GSK3B: variants seen among roughly 807,000 people sequenced by gnomAD.
GSK3B encodes the protein glycogen synthase kinase-3 beta.
GSK3B carries 15 observed loss-of-function variants against 56.4 expected under a neutral mutation model. That is an observed-to-expected ratio of 0.27 (90% CI 0.18 to 0.41). The LOEUF is 0.41. GSK3B is among the 10% of genes least tolerant of loss of function. GSK3B has a pLI of 1.00. For synonymous variants in GSK3B, 181 were observed against 188.9 expected, an observed-to-expected ratio of 0.96 and a Z score of 0.34; for missense variants, 300 against 513.4, an observed-to-expected ratio of 0.58 and a Z score of 4.02.
chr3:120,073,028 C>T (rs976397318), intron 1 of GSK3B, among the ~76,000 whole-genome samples: 2 of 151,992 alleles, frequency 1.3e-5, no homozygotes, highest in African/African-American at 2.4e-5. Context: ...CCAGGCTCTG[C>T]CACCTGCTGG....
rs558793272 is a variant in GSK3B, at chr3:119,839,501, C to T, written c.1195+3754G>A. ...TCCCAAGCAGTTTATCTAGGAGCCT[C>T]GGTATTCTGATGATCTTGCTCTAGA... On this transcript the variant is annotated intron_variant, in intron 10 of 10. Coordinates refer to ENST00000264235, the MANE Select transcript of GSK3B (RefSeq NM_001146156.2). 3.3e-5 allele frequency among the ~76,000 whole-genome samples: 5 copies of T among 152,098 alleles called. No homozygotes were observed. The South Asian group carries it at 8.3e-4, about 25-fold the overall frequency.
At position 119,863,576 on chromosome 3, in the gene GSK3B, T is replaced by G; in HGVS notation, c.939A>C (p.Ala313=). The G allele has an allele frequency of 1.2e-6, 2 of 1,613,268 alleles. 1 individual carries two copies. Among genetic ancestry groups the G allele is most frequent in the South Asian group, 2.2e-5 (2 of 91,072 alleles). The stretch of plus-strand genomic sequence containing the variant: ...CCAGCAGACGGCTACACAGTGCAAT[T>G]GCCTCCGGTGGAGTTCGGGGTCGGA... ...KVFRPRTPPE[A]IALCSRLLEY... Residue 313 remains alanine (A), a synonymous_variant, in exon 9 of 11, where the codon GCA becomes GCC. Coordinates refer to ENST00000264235, the MANE Select transcript of GSK3B (RefSeq NM_001146156.2).
intron 3 of GSK3B, among the ~76,000 whole-genome samples, chr3:119,923,990 G>A (rs1327536091): frequency 2.0e-5 from 3 of 152,212 alleles, no homozygotes; most frequent in African/African-American, 7.2e-5. Flanking sequence ...AGTCCAAAAT[G>A]TCTCTAACCT....
At chr3:119,829,814 C>T (rs1477681971) in intron 10 of GSK3B, among the ~76,000 whole-genome samples, 1 of 152,218 alleles carries the variant, frequency 6.6e-6, no homozygotes, top group Non-Finnish European at 1.5e-5. Flanking sequence ...GACACCCATG[C>T]TCTTCAGACC....
At chr3:120,027,057 C>T (rs1290585296) in intron 1 of GSK3B, among the ~76,000 whole-genome samples, 2 of 128,960 alleles carry the variant, frequency 1.6e-5, no homozygotes, top group East Asian at 2.4e-4. Context: ...AGCCACAGGG[C>T]AAGACTTCCA....
intron 1 of GSK3B, chr3:120,029,163 A>T: frequency 1.4e-6 from 1 of 690,406 alleles, no homozygotes. Context: ...GGGATAGCAT[A>T]AGATCACAAA....
At chr3:120,014,865 G>A (rs907689084) in intron 1 of GSK3B, among the ~76,000 whole-genome samples, 5 of 152,172 alleles carry the variant, frequency 3.3e-5, no homozygotes, top group Non-Finnish European at 7.4e-5. Flanking sequence ...GGAAAACATA[G>A]GGTGGCAGAG....
At chr3:119,968,430 A>G (rs765204308) in intron 2 of GSK3B, among the ~76,000 whole-genome samples, 4 of 152,256 alleles carry the variant, frequency 2.6e-5, no homozygotes, top group African/African-American at 7.2e-5. Flanking sequence ...CTGATCCAAC[A>G]ATGTATAAAA....
intron 10 of GSK3B, among the ~76,000 whole-genome samples, chr3:119,828,428 G>C (rs905045031): frequency 2.0e-5 from 3 of 152,206 alleles, no homozygotes; most frequent in Non-Finnish European, 2.9e-5. Context: ...CTGAGCAAGA[G>C]AGGTAGCTTG....
intron 9 of GSK3B, among the ~76,000 whole-genome samples, chr3:119,848,478 A>G (rs928780433): frequency 6.6e-6 from 1 of 152,272 alleles, no homozygotes; most frequent in Middle Eastern, 3.4e-3. Context: ...AAAGTGTACA[A>G]TTCAGCACAA....
At chr3:120,000,942 T>G (rs1435008674) in intron 2 of GSK3B, among the ~76,000 whole-genome samples, 3 of 136,934 alleles carry the variant, frequency 2.2e-5, no homozygotes, top group Admixed American at 7.3e-5. Context: ...TTTTTTTTTT[T>G]GAGACAGAGT....
At position 119,923,430 on chromosome 3, in the gene GSK3B, GTATAC is replaced by G; in HGVS notation, c.415_419del (p.Val139GlnfsTer7). ...CTCGACTATAGTGTCTGGCAACTCT[GTATAC>G]TGTTTCCGGAACATAGTCCAGCACC... On this transcript the variant is annotated frameshift_variant, in exon 4 of 11. Coordinates refer to ENST00000264235, the MANE Select transcript of GSK3B (RefSeq NM_001146156.2). LOFTEE classifies it high-confidence loss of function. The G allele has an allele frequency of 6.2e-7, 1 of 1,604,904 alleles. No individual in the cohort carries two copies.
chr3:119,928,613 A>T (rs1356952010), intron 3 of GSK3B, among the ~76,000 whole-genome samples: 3 of 52,666 alleles, frequency 5.7e-5, no homozygotes, highest in African/African-American at 1.7e-4. Flanking sequence ...TCAAAAAAAT[A>T]AAAAAAAAAA....
At chr3:120,019,219 T>C (rs1037454766) in intron 1 of GSK3B, among the ~76,000 whole-genome samples, 2 of 152,138 alleles carry the variant, frequency 1.3e-5, no homozygotes, top group African/African-American at 4.8e-5. Context: ...TATCAAGCTA[T>C]TTAAATATTT....
At chr3:119,833,677 G>A (rs1385777629) in intron 10 of GSK3B, among the ~76,000 whole-genome samples, 1 of 147,380 alleles carries the variant, frequency 6.8e-6, no homozygotes, top group Non-Finnish European at 1.5e-5. Flanking sequence ...AGTACACTTG[G>A]AAACATTAGG....
intron 1 of GSK3B, among the ~76,000 whole-genome samples, chr3:120,068,265 C>A (rs1289835522): frequency 6.6e-6 from 1 of 151,914 alleles, no homozygotes; most frequent in East Asian, 1.9e-4. Context: ...GTGGCACGCG[C>A]CTGTAATACC....
At chr3:119,915,068 G>C (rs562902233) in intron 5 of GSK3B, among the ~76,000 whole-genome samples, 1 of 152,158 alleles carries the variant, frequency 6.6e-6, no homozygotes, top group Admixed American at 6.5e-5. Context: ...TGGGAATGTA[G>C]GCTTGACTAC....
chr3:120,026,636 C>A (rs1325599513), intron 1 of GSK3B, among the ~76,000 whole-genome samples: 1 of 151,352 alleles, frequency 6.6e-6, no homozygotes, highest in Admixed American at 6.6e-5. Flanking sequence ...CGGCTCACTG[C>A]AACCTCCACC....
At chr3:119,932,268 C>G (rs528463688) in intron 3 of GSK3B, among the ~76,000 whole-genome samples, 11 of 152,298 alleles carry the variant, frequency 7.2e-5, no homozygotes, top group African/African-American at 2.2e-4. Flanking sequence ...GGCATTCCAA[C>G]TGGCAAAAAT....
Sources: gnomAD v4.1 joint callset for allele counts (sites outside exome capture counted in the v4.1 genomes callset) on GRCh38, gnomAD v4.1.1 for gene constraint, MANE v1.5 for transcripts, NCBI Gene and HGNC (gene_info 2026-07-23, HGNC 2026-07-21) for gene names.